COL6A5: variants seen among roughly 807,000 people sequenced by gnomAD.
COL6A5 encodes collagen alpha-5(VI) chain.
COL6A5 carries 48 observed loss-of-function variants against 65.6 expected under a neutral mutation model. That is an observed-to-expected ratio of 0.73 (90% confidence interval 0.58 to 0.93). The LOEUF is 0.93. Ranked by LOEUF, COL6A5 falls within the 40% of genes least tolerant of loss-of-function variation. The probability of loss-of-function intolerance (pLI) is 0.00; values close to 1 mark genes in which losing one functional copy is unlikely to be tolerated. For synonymous variants in COL6A5, 291 were observed against 322.8 expected, an observed-to-expected ratio of 0.90 and a Z score of 1.05; for missense variants, 914 against 928.3, an observed-to-expected ratio of 0.98 and a Z score of 0.20.
intron 7 of COL6A5, among the ~76,000 whole-genome samples, chr3:130,478,483 T>C (rs1710153659): frequency 6.6e-6 from 1 of 152,074 alleles, no homozygotes; most frequent in Admixed American, 6.6e-5. Flanking sequence ...AATGCATGGA[T>C]TTCAAAAGCT....
chr3:130,347,303 T>C (rs1461522310), intron 1 of COL6A5, among the ~76,000 whole-genome samples: 1 of 152,026 alleles, frequency 6.6e-6, no homozygotes, highest in Admixed American at 6.6e-5. Context: ...GTTATGATAT[T>C]GAACTATTAT....
intron 5 of COL6A5, among the ~76,000 whole-genome samples, chr3:130,467,931 C>T (rs1472096472): frequency 1.3e-5 from 2 of 151,992 alleles, no homozygotes; most frequent in Non-Finnish European, 2.9e-5. Context: ...TCTTTCCAAA[C>T]TGGCATTTCC....
intron 6 of COL6A5, among the ~76,000 whole-genome samples, chr3:130,390,181 T>C (rs924567762): frequency 9.9e-5 from 15 of 152,154 alleles, no homozygotes; most frequent in Non-Finnish European, 1.9e-4. Context: ...GCAAGGCTCT[T>C]CTTGGCATTT....
intron 12 of COL6A5, among the ~76,000 whole-genome samples, chr3:130,402,491 T>G (rs1248683535): frequency 1.3e-5 from 2 of 152,214 alleles, no homozygotes; most frequent in African/African-American, 4.8e-5. Flanking sequence ...TAACTTTTAC[T>G]AACATGGTAA....
intron 25 of COL6A5, among the ~76,000 whole-genome samples, chr3:130,420,210 A>G (rs1937486653): frequency 6.6e-6 from 1 of 152,062 alleles, no homozygotes; most frequent in South Asian, 2.1e-4. Context: ...ATTTACCCAG[A>G]ATAAAACATA....
At chr3:130,388,457 A>C (rs1936275109) in intron 5 of COL6A5, 123 bp from the exon 6 acceptor site, 1 of 826,752 alleles carries the variant, frequency 1.2e-6, no homozygotes, top group Non-Finnish European at 1.8e-6. Context: ...TTCAAACATA[A>C]CAACAGTTGC....
intron 5 of COL6A5, among the ~76,000 whole-genome samples, chr3:130,386,435 G>A (rs1936189581): frequency 6.6e-6 from 1 of 151,956 alleles, no homozygotes; most frequent in Non-Finnish European, 1.5e-5. Context: ...TGACTAAACT[G>A]AAAACGTGTT....
At chr3:130,433,700 G>T (rs1422707159) in intron 1 of COL6A5, among the ~76,000 whole-genome samples, 2 of 152,120 alleles carry the variant, frequency 1.3e-5, no homozygotes, top group East Asian at 1.9e-4. Context: ...GAGAGTGTCT[G>T]TTTCCCCTCA....
intron 1 of COL6A5, 83 bp downstream of exon 1, chr3:130,346,064 C>T (rs929658442): frequency 5.0e-6 from 2 of 398,134 alleles, no homozygotes; most frequent in Non-Finnish European, 8.9e-6. Context: ...GAGAAGGATT[C>T]TCCTTTCTGG....
intron 1 of COL6A5, among the ~76,000 whole-genome samples, chr3:130,352,487 A>G (rs1318438651): frequency 1.3e-5 from 2 of 152,156 alleles, no homozygotes; most frequent in East Asian, 1.9e-4. Context: ...CTCTCTATCT[A>G]GATTTTAAAG....
intron 4 of COL6A5, among the ~76,000 whole-genome samples, chr3:130,447,401 C>T (rs921051781): frequency 6.6e-6 from 1 of 152,136 alleles, no homozygotes; most frequent in African/African-American, 2.4e-5. Context: ...CAGCTGTGAA[C>T]AATAAACTTA....
rs369297754 is a variant in COL6A5, at chr3:130,440,583, T to A, written c.1001T>A (p.Ile334Asn). Reference sequence around the variant, plus strand: ...CCCTATCTAAGAAAACACAAGGTCATCTTTGTGGTCTCAGCTGGAGAAAAT... The same window carrying A: ...CCCTATCTAAGAAAACACAAGGTCAACTTTGTGGTCTCAGCTGGAGAAAAT... Residue 334 changes from isoleucine to asparagine, a missense_variant, in exon 3 of 8, where the codon ATC (isoleucine) becomes AAC (asparagine). Physicochemically the swap from Ile to Asn is moderately radical, Grantham distance 149 (BLOSUM62 -3). Transcript: ENST00000512836. 2.5e-6 allele frequency: 4 copies of A among 1,613,436 alleles called. No individual in the cohort carries two copies. The African/African-American group carries it at 5.3e-5, about 22-fold the overall frequency.
At chr3:130,362,888 A>G (rs1935194027) in intron 1 of COL6A5, among the ~76,000 whole-genome samples, 1 of 152,078 alleles carries the variant, frequency 6.6e-6, no homozygotes, top group Admixed American at 6.6e-5. Context: ...ATCTTTCTCT[A>G]TCCAATTTCT....
intron 1 of COL6A5, among the ~76,000 whole-genome samples, chr3:130,365,186 C>T (rs1007641623): frequency 2.0e-5 from 3 of 152,196 alleles, no homozygotes; most frequent in Non-Finnish European, 4.4e-5. Context: ...TAAGCAACTA[C>T]ATGGTTTGAA....
intron 1 of COL6A5, among the ~76,000 whole-genome samples, chr3:130,368,091 G>C (rs1388416828): frequency 6.6e-6 from 1 of 152,220 alleles, no homozygotes; most frequent in Non-Finnish European, 1.5e-5. Flanking sequence ...GACCCTGGAA[G>C]ATTTGTAAGG....
chr3:130,443,155 A>T (rs561791132), intron 3 of COL6A5, among the ~76,000 whole-genome samples: 5 of 152,248 alleles, frequency 3.3e-5, no homozygotes, highest in Admixed American at 6.5e-5. Context: ...CCTTTGATGA[A>T]TCAGAATAGA....
chr3:130,387,745 A>G (rs1228361014), intron 5 of COL6A5, among the ~76,000 whole-genome samples: 3 of 152,118 alleles, frequency 2.0e-5, no homozygotes, highest in Admixed American at 6.6e-5. Context: ...GAGATTACAG[A>G]TAGACAAAAG....
intron 1 of COL6A5, among the ~76,000 whole-genome samples, chr3:130,352,777 C>T (rs890980971): frequency 2.0e-5 from 3 of 152,026 alleles, no homozygotes; most frequent in Non-Finnish European, 4.4e-5. Flanking sequence ...TATTATTTTC[C>T]AAAAATTATT....
At chr3:130,354,787 A>C (rs1257741605) in intron 1 of COL6A5, among the ~76,000 whole-genome samples, 1 of 152,136 alleles carries the variant, frequency 6.6e-6, no homozygotes, top group Non-Finnish European at 1.5e-5. Flanking sequence ...GACCTGAATA[A>C]TATTGTAATT....
Sources: allele counts gnomAD v4.1 joint callset (sites outside exome capture counted in the v4.1 genomes callset), GRCh38; gene constraint gnomAD v4.1.1; transcripts MANE v1.5; gene names NCBI Gene and HGNC (gene_info 2026-07-23, HGNC 2026-07-21).